The following TTLL5 variants were observed in gnomAD, a reference collection of about 807,000 sequenced individuals.
TTLL5 encodes tubulin tyrosine ligase like 5, also known as tubulin polyglutamylase TTLL5.
In TTLL5, 132 loss-of-function variants were observed where a neutral mutation model predicts 168.4. The observed-to-expected ratio is 0.78, with a 90% confidence interval of 0.68 to 0.91. TTLL5 has a LOEUF of 0.91. Ranked by LOEUF, TTLL5 falls within the 40% of genes least tolerant of loss-of-function variation. The pLI is 0.00. For synonymous variants in TTLL5, 546 were observed against 558.6 expected, an observed-to-expected ratio of 0.98 and a Z score of 0.32; for missense variants, 1,545 against 1,581.5, an observed-to-expected ratio of 0.98 and a Z score of 0.39.
At chr14:75,735,340 C>T (rs754700613) in intron 15 of TTLL5, 51 bp downstream of exon 15, 8 of 1,569,212 alleles carry the variant, frequency 5.1e-6, no homozygotes, top group East Asian at 2.2e-5. Context: ...TGGGAAGTGG[C>T]GGCTGATGTA....
At position 75,771,852 on chromosome 14, in the gene TTLL5, A is replaced by G; in HGVS notation, c.2134A>G (p.Met712Val). The G allele has an allele frequency of 3.7e-6, 6 of 1,610,528 alleles. No homozygotes were observed. Among genetic ancestry groups the G allele is most frequent in the Non-Finnish European group, 5.1e-6 (6 of 1,178,750 alleles). ...ASWAAKEDEQ[M>V]ELVVRFLKRA... ...TTGGGCTGCCAAAGAGGATGAACAG[A>G]TGGTAAGGCTTTTCTTACTGAAACC... Residue 712 changes from methionine to valine, a missense_variant and splice_region_variant, in exon 21 of 32, where the codon ATG (methionine) becomes GTG (valine). Coordinates refer to ENST00000298832, the MANE Select transcript of TTLL5 (RefSeq NM_015072.5).
chr14:75,688,071 G>T (rs1885199620), intron 5 of TTLL5, among the ~76,000 whole-genome samples: 1 of 152,056 alleles, frequency 6.6e-6, no homozygotes, highest in Non-Finnish European at 1.5e-5. Context: ...TAACTCCTTG[G>T]CTCCTTGGAA....
At position 75,771,800 on chromosome 14, in the gene TTLL5, C is replaced by A; in HGVS notation, c.2082C>A (p.Asp694Glu). 1 of 1,614,062 alleles carries A rather than the reference C, an allele frequency of 6.2e-7. No individual in the cohort carries two copies. Among genetic ancestry groups the A allele is most frequent in the Non-Finnish European group, 8.5e-7 (1 of 1,179,974 alleles). ...ATGTTCAAATTCGCCTGATGAAAGA[C>A]AGTGGCGGTCAGACGTTCAGTGCCA... ...LQHVQIRLMKDSGGQTFSASW... is the reference protein window; with the variant it reads ...LQHVQIRLMKESGGQTFSASW... Residue 694 changes from aspartate to glutamate, a missense_variant, in exon 21 of 32, where the codon GAC becomes GAA. Asp to Glu is a conservative substitution (Grantham distance 45). Coordinates refer to ENST00000298832, the MANE Select transcript of TTLL5 (RefSeq NM_015072.5).
chr14:75,782,575 T>C lies in TTLL5; in HGVS notation c.2602+2T>C. ...AAATTCATTCTGATAAATTATCTCG[T>C]GAGTGATTTCAAACCTACCTAGATT... On this transcript the variant is annotated splice_donor_variant, in intron 25 of 31. Transcript: ENST00000298832. LOFTEE classifies it high-confidence loss of function. The C allele has an allele frequency of 6.2e-7, 1 of 1,612,786 alleles. No homozygotes were observed. Among genetic ancestry groups the C allele is most frequent in the Non-Finnish European group, 8.5e-7 (1 of 1,179,348 alleles).
chr14:75,797,134 C>T (rs569326712), intron 27 of TTLL5, among the ~76,000 whole-genome samples: 31 of 152,230 alleles, frequency 2.0e-4, no homozygotes, highest in African/African-American at 5.8e-4. Flanking sequence ...AGGTCTTTCA[C>T]GTCCTTGGTT....
At position 75,793,084 on chromosome 14, in the gene TTLL5, ACCT is replaced by A. The variant is rs1156228508; in HGVS notation, c.3160_3162del (p.Leu1054del). On this transcript the variant is annotated inframe_deletion, in exon 27 of 32. Transcript: ENST00000298832. ...CAGTATTCTCCATCCAGCCACATCA[ACCT>A]CCTCACCCAACAGGTACGGATGGTC... is the stretch of plus-strand genomic sequence containing the variant. 5 of 1,611,008 alleles carry A rather than the reference ACCT, an allele frequency of 3.1e-6. No individual in the cohort carries two copies. Among genetic ancestry groups the A allele is most frequent in the Non-Finnish European group, 4.2e-6 (5 of 1,178,230 alleles).
chr14:75,895,836 A>G (rs903059977), intron 30 of TTLL5, among the ~76,000 whole-genome samples: 1 of 152,230 alleles, frequency 6.6e-6, no homozygotes, highest in African/African-American at 2.4e-5. Context: ...AGTCAGGTGC[A>G]TGGCAGAACA....
intron 29 of TTLL5, among the ~76,000 whole-genome samples, chr14:75,870,534 A>G (rs1271705693): frequency 6.6e-6 from 1 of 152,182 alleles, no homozygotes; most frequent in Non-Finnish European, 1.5e-5. Context: ...CTAACAACAC[A>G]TGCAGTATCC....
At chr14:75,941,357 C>G (rs932607944) in intron 31 of TTLL5, 1 of 152,178 alleles carries the variant, frequency 6.6e-6, no homozygotes, top group Non-Finnish European at 1.5e-5. Flanking sequence ...CCCAGCTGTC[C>G]GTTTCTACTA....
Position 75,663,176 on chromosome 14 carries a change from G to A in TTLL5, c.27G>A (p.Leu9=), listed in dbSNP as rs1002516091. The A allele has an allele frequency of 6.2e-7, 1 of 1,613,572 alleles. No homozygotes were observed. The highest frequency in any genetic ancestry group is 1.3e-5 in the African/African-American group (1 of 74,898). The change falls in exon 2 of 32, where the codon CTG becomes CTA. Residue 9 remains leucine, a synonymous_variant. Coordinates refer to ENST00000298832, the MANE Select transcript of TTLL5 (RefSeq NM_015072.5). The stretch of plus-strand genomic sequence containing the variant: ...TGCCAATCGTGATGGCCCGGGACCT[G>A]GAGGAAACAGCATCATCCTCAGAGG... MPIVMARD[L]EETASSSEDE...
In TTLL5 at chr14:75,719,841, T is replaced by C; in HGVS notation, c.934+15T>C. 1.2e-6 allele frequency: 2 copies of C among 1,607,394 alleles called. No individual in the cohort carries two copies. Among genetic ancestry groups the C allele is most frequent in the Non-Finnish European group, 1.7e-6 (2 of 1,174,256 alleles). On this transcript the variant is annotated intron_variant, in intron 11 of 31. Coordinates refer to ENST00000298832, the MANE Select transcript of TTLL5 (RefSeq NM_015072.5). ...AGATACAACCGGTGAGTACTGGGCC[T>C]TTTTCCTTCTTGACTTCTCTTCTTT...
At chr14:75,740,268 A>T (rs1350902870) in intron 15 of TTLL5, among the ~76,000 whole-genome samples, 1 of 152,192 alleles carries the variant, frequency 6.6e-6, no homozygotes, top group Admixed American at 6.5e-5. Context: ...AGCATTCTTC[A>T]TACTATTCTT....
At chr14:75,781,447 ATTC>A (rs1361605298) in intron 24 of TTLL5, among the ~76,000 whole-genome samples, 1 of 152,162 alleles carries the variant, frequency 6.6e-6, no homozygotes, top group Admixed American at 6.5e-5. Flanking sequence ...GTATGTCTTT[ATTC>A]TTTCACTCTG....
At chr14:75,821,802 A>G (rs1342937634) in intron 28 of TTLL5, among the ~76,000 whole-genome samples, 1 of 152,160 alleles carries the variant, frequency 6.6e-6, no homozygotes, top group African/African-American at 2.4e-5. Context: ...GGTGCATTAC[A>G]CGATTTACTT....
chr14:75,802,108 C>T (rs962060927), intron 27 of TTLL5, among the ~76,000 whole-genome samples: 1 of 151,574 alleles, frequency 6.6e-6, no homozygotes, highest in African/African-American at 2.4e-5. Context: ...TTAATATTTT[C>T]TCCCCTTTTA....
At chr14:75,864,775 C>T (rs183122395) in intron 29 of TTLL5, among the ~76,000 whole-genome samples, 12 of 152,192 alleles carry the variant, frequency 7.9e-5, no homozygotes, top group Non-Finnish European at 1.5e-4. Flanking sequence ...TCAGTTTGAT[C>T]TCCTGATCAT....
At chr14:75,843,354 C>T (rs1349343061) in intron 28 of TTLL5, among the ~76,000 whole-genome samples, 1 of 152,178 alleles carries the variant, frequency 6.6e-6, no homozygotes, top group African/African-American at 2.4e-5. Flanking sequence ...TGACTTCCAG[C>T]TGGTCAAGAA....
At chr14:75,792,843 T>C in intron 26 of TTLL5, 73 bp from the exon 27 acceptor site, 1 of 1,371,510 alleles carries the variant, frequency 7.3e-7, no homozygotes, top group Non-Finnish European at 9.8e-7. Flanking sequence ...TGACCTGAGA[T>C]TTCTGTCATT....
At chr14:75,811,672 A>G (rs1894049142) in intron 27 of TTLL5, among the ~76,000 whole-genome samples, 2 of 152,214 alleles carry the variant, frequency 1.3e-5, no homozygotes, top group Admixed American at 1.3e-4. Flanking sequence ...TAGGCAATAC[A>G]GCACTTACTA....
Sources: gnomAD v4.1 joint callset for allele counts (sites outside exome capture counted in the v4.1 genomes callset) on GRCh38, gnomAD v4.1.1 for gene constraint, MANE v1.5 for transcripts, NCBI Gene and HGNC (gene_info 2026-07-23, HGNC 2026-07-21) for gene names.